The following PPARGC1A variants were observed in gnomAD, a reference collection of about 807,000 sequenced individuals.
PPARGC1A encodes PPARG coactivator 1 alpha, also known as peroxisome proliferator-activated receptor gamma coactivator 1-alpha.
Under a neutral mutation model 88.7 loss-of-function variants are expected in PPARGC1A, and 25 were observed. The observed-to-expected ratio is 0.28, with a 90% CI of 0.21 to 0.39. The LOEUF (loss-of-function observed/expected upper bound fraction) is 0.39, where lower values mean the gene tolerates loss of function less well. Ranked by LOEUF, PPARGC1A falls within the 10% of genes least tolerant of loss-of-function variation. The pLI, the probability that PPARGC1A is intolerant of heterozygous loss-of-function variation, is 1.00. For synonymous variants in PPARGC1A, 363 were observed against 355.6 expected, an observed-to-expected ratio of 1.02 and a Z score of -0.24; for missense variants, 880 against 968.7, an observed-to-expected ratio of 0.91 and a Z score of 1.22.
the PPARGC1A span, among the ~76,000 whole-genome samples, chr4:23,973,355 G>A: frequency 1.3e-5 from 2 of 152,074 alleles, no homozygotes; most frequent in African/African-American, 4.8e-5. Context: ...TGATTGTGCT[G>A]GTTAAAAAGA....
At chr4:24,062,229 G>A in the PPARGC1A span, among the ~76,000 whole-genome samples, 1 of 152,202 alleles carries the variant, frequency 6.6e-6, no homozygotes, top group Admixed American at 6.5e-5. Flanking sequence ...CCCTGCATGT[G>A]ACAATGACAC....
the PPARGC1A span, among the ~76,000 whole-genome samples, chr4:24,324,039 C>T: frequency 3.3e-5 from 5 of 152,194 alleles, no homozygotes; most frequent in Non-Finnish European, 5.9e-5. Context: ...ACTCTGGCGC[C>T]GGTCACGGAC....
At chr4:23,907,056 G>C (rs1008853679), upstream of PPARGC1A, among the ~76,000 whole-genome samples, 2 of 152,132 alleles carry the variant, frequency 1.3e-5, no homozygotes, top group African/African-American at 4.8e-5. Flanking sequence ...AGTATCCAAA[G>C]TAAATGGCCC....
chr4:24,136,728 T>C, the PPARGC1A span, among the ~76,000 whole-genome samples: 1 of 152,178 alleles, frequency 6.6e-6, no homozygotes, highest in African/African-American at 2.4e-5. Flanking sequence ...TGTCATGAAC[T>C]GAACTGTGTC....
chr4:24,139,341 G>T, the PPARGC1A span, among the ~76,000 whole-genome samples: 1 of 152,016 alleles, frequency 6.6e-6, no homozygotes, highest in East Asian at 1.9e-4. Flanking sequence ...CACCATGTTA[G>T]CCAGGATGGT....
At chr4:23,849,409 C>T (rs530025550) in intron 2 of PPARGC1A, among the ~76,000 whole-genome samples, 1 of 152,128 alleles carries the variant, frequency 6.6e-6, no homozygotes, top group Non-Finnish European at 1.5e-5. Context: ...AATACATGGC[C>T]TTTCTACTTA....
the PPARGC1A span, among the ~76,000 whole-genome samples, chr4:24,285,121 T>G: frequency 2.0e-5 from 3 of 152,180 alleles, no homozygotes; most frequent in African/African-American, 7.2e-5. Flanking sequence ...TTTGTTCTCA[T>G]GAGAACTTTG....
chr4:24,428,774 T>A, the PPARGC1A span, among the ~76,000 whole-genome samples: 13 of 152,236 alleles, frequency 8.5e-5, no homozygotes, highest in African/African-American at 3.1e-4. Context: ...CCTCCTCTCT[T>A]TCCTGTGGTG....
At chr4:24,202,669 G>A in the PPARGC1A span, among the ~76,000 whole-genome samples, 1 of 152,100 alleles carries the variant, frequency 6.6e-6, no homozygotes, top group Admixed American at 6.5e-5. Flanking sequence ...TGGGGACACA[G>A]GGGACACTGC....
chr4:24,368,162 C>T, the PPARGC1A span, among the ~76,000 whole-genome samples: 5 of 152,182 alleles, frequency 3.3e-5, no homozygotes, highest in Non-Finnish European at 5.9e-5. Context: ...AGACGTGAAT[C>T]GTCTTAACCA....
the PPARGC1A span, among the ~76,000 whole-genome samples, chr4:24,380,980 TAAA>T: frequency 7.4e-6 from 1 of 134,466 alleles, no homozygotes. Flanking sequence ...CTGTGTGATT[TAAA>T]AAAAAAAAAA....
chr4:24,359,788 G>A, the PPARGC1A span, among the ~76,000 whole-genome samples: 2 of 152,116 alleles, frequency 1.3e-5, no homozygotes, highest in South Asian at 4.2e-4. Context: ...GCAACCACTG[G>A]AAGAGCAAAA....
the PPARGC1A span, among the ~76,000 whole-genome samples, chr4:24,061,673 T>C: frequency 2.0e-5 from 3 of 152,170 alleles, no homozygotes; most frequent in African/African-American, 7.2e-5. Flanking sequence ...CTTGCTGAGG[T>C]GTCTCCAGGC....
the PPARGC1A span, among the ~76,000 whole-genome samples, chr4:24,031,620 T>C: frequency 6.6e-6 from 1 of 152,318 alleles, no homozygotes; most frequent in African/African-American, 2.4e-5. Flanking sequence ...CCGATCATTC[T>C]TCGTTGTCTG....
the PPARGC1A span, among the ~76,000 whole-genome samples, chr4:24,144,475 G>C: frequency 7.0e-6 from 1 of 142,024 alleles, no homozygotes; most frequent in Admixed American, 7.2e-5. Context: ...GAAACCAAGT[G>C]GGAGTTATCC....
the PPARGC1A span, among the ~76,000 whole-genome samples, chr4:24,381,539 C>T: frequency 1.4e-4 from 21 of 152,170 alleles, no homozygotes; most frequent in Non-Finnish European, 2.1e-4. Context: ...AATACATGTC[C>T]AAATGCTTGC....
chr4:24,282,723 G>T, the PPARGC1A span, among the ~76,000 whole-genome samples: 1 of 152,210 alleles, frequency 6.6e-6, no homozygotes, highest in African/African-American at 2.4e-5. Flanking sequence ...CTGTGAGTCA[G>T]TGAGGTCTCC....
At chr4:23,992,287 CTAT>C in the PPARGC1A span, among the ~76,000 whole-genome samples, 1 of 18,428 alleles carries the variant, frequency 5.4e-5, no homozygotes, top group Non-Finnish European at 1.2e-4. Context: ...CTAGTCTATA[CTAT>C]TATTATCAGA....
chr4:24,332,166 CA>C, the PPARGC1A span, among the ~76,000 whole-genome samples: 1 of 151,688 alleles, frequency 6.6e-6, no homozygotes, highest in African/African-American at 2.4e-5. Flanking sequence ...TTTATAGAGA[CA>C]GGGGCTCATT....
Sources: allele counts gnomAD v4.1 joint callset (sites outside exome capture counted in the v4.1 genomes callset), GRCh38; gene constraint gnomAD v4.1.1; transcripts MANE v1.5; gene names NCBI Gene and HGNC (gene_info 2026-07-23, HGNC 2026-07-21).